The following PLA2G2F variants were observed in gnomAD, a reference collection of about 807,000 sequenced individuals.
PLA2G2F encodes the protein phospholipase A2 group IIF, also known as group IIF secretory phospholipase A2.
A neutral mutation model predicts 15.9 loss-of-function variants in PLA2G2F; 17 were observed. That is an observed-to-expected ratio of 1.07 (90% CI 0.73 to 1.60). The LOEUF is 1.60. Among genes scored for constraint, PLA2G2F ranks in the 40% most tolerant of loss-of-function variants. The probability of loss-of-function intolerance (pLI) is 0.00; values close to 1 mark genes in which losing one functional copy is unlikely to be tolerated. For synonymous variants in PLA2G2F, 119 were observed against 106.5 expected, an observed-to-expected ratio of 1.12 and a Z score of -0.72; for missense variants, 299 against 278.2, an observed-to-expected ratio of 1.07 and a Z score of -0.53.
chr1:20,145,926 G>C (rs951107658), intron 4 of PLA2G2F, among the ~76,000 whole-genome samples: 1 of 152,184 alleles, frequency 6.6e-6, no homozygotes, highest in African/African-American at 2.4e-5. Flanking sequence ...AATTCAACCA[G>C]GAATCCTGTG....
At chr1:20,139,947 G>A (rs1038107130) in intron 1 of PLA2G2F, among the ~76,000 whole-genome samples, 4 of 152,106 alleles carry the variant, frequency 2.6e-5, no homozygotes, top group African/African-American at 9.7e-5. Context: ...GCCAGAGTGG[G>A]GGGCAAGGAG....
chr1:20,139,818 C>T (rs2017424265), intron 1 of PLA2G2F, among the ~76,000 whole-genome samples: 1 of 152,182 alleles, frequency 6.6e-6, no homozygotes, highest in African/African-American at 2.4e-5. Context: ...GGGTTCAAGA[C>T]CCAGCTGCTA....
Position 20,139,347 on chromosome 1 carries a change from C to G in PLA2G2F, c.-81C>G, listed in dbSNP as rs1023681681. ...TGCCAGTGTGCGAGGCAGCGTGAAG[C>G]TGGGGCCTGCTCCCCGCAGCCTCTG... On this transcript the variant is annotated 5_prime_UTR_variant, in exon 1 of 5. Transcript: ENST00000375102. The G allele has an allele frequency of 7.3e-6, 8 of 1,097,140 alleles. No individual in the cohort carries two copies. In the African/African-American group the frequency reaches 1.3e-4, roughly 17 times the overall value. 68.0% of individuals were successfully genotyped at this position (1,097,140 alleles called of 1,614,324 possible).
Position 20,139,513 on chromosome 1 carries a change from T to C in PLA2G2F, c.86T>C (p.Phe29Ser). The stretch of plus-strand genomic sequence containing the variant: ...TTCTCTGGGTGGAGGGGCCCACGCT[T>C]CGGGGCCTCCTGTCCTTCAAGAACC... ...RCFSGWRGPR[F>S]GASCPSRTSR... The change falls in exon 1 of 5, where the codon TTC becomes TCC. Residue 29 changes from phenylalanine (F) to serine (S), a missense_variant. Coordinates refer to ENST00000375102, the MANE Select transcript of PLA2G2F (RefSeq NM_022819.4). 1 of 1,569,840 alleles carries C rather than the reference T, an allele frequency of 6.4e-7. No individual in the cohort carries two copies. Among genetic ancestry groups the C allele is most frequent in the Non-Finnish European group, 8.6e-7 (1 of 1,156,880 alleles).
At chr1:20,140,086 G>T in intron 1 of PLA2G2F, 80 bp from the exon 2 acceptor site, 2 of 1,445,398 alleles carry the variant, frequency 1.4e-6, no homozygotes, top group Non-Finnish European at 1.9e-6. Flanking sequence ...CTGTCCTGAG[G>T]CTCAGGAAGG....
chr1:20,147,478 C>T (rs913320232), intron 4 of PLA2G2F, among the ~76,000 whole-genome samples: 7 of 149,104 alleles, frequency 4.7e-5, no homozygotes, highest in African/African-American at 1.5e-4. Flanking sequence ...GATGAAGTTT[C>T]GCTCTTGTTG....
At position 20,146,527 on chromosome 1, in the gene PLA2G2F, T is replaced by C. The variant is rs563127473; in HGVS notation, c.425-1663T>C. On this transcript the variant is annotated intron_variant, in intron 4 of 4. Coordinates refer to ENST00000375102, the MANE Select transcript of PLA2G2F (RefSeq NM_022819.4). Reference sequence around the variant, plus strand: ...TAGCAGCGCCCAGGTGTCCCTGCCCTGCCCTACTCTGTGCTCCTCTCTGGG... The same window carrying C: ...TAGCAGCGCCCAGGTGTCCCTGCCCCGCCCTACTCTGTGCTCCTCTCTGGG... Among the ~76,000 whole-genome samples the C allele has an allele frequency of 2.4e-3, 369 of 152,320 alleles. 1 individual carries two copies. Among genetic ancestry groups the C allele is most frequent in the African/African-American group, 8.4e-3 (350 of 41,572 alleles).
At chr1:20,145,315 C>G (rs1210392705) in intron 4 of PLA2G2F, among the ~76,000 whole-genome samples, 1 of 148,132 alleles carries the variant, frequency 6.8e-6, no homozygotes, top group African/African-American at 2.5e-5. Flanking sequence ...CGCAGTCTCT[C>G]TCTGTCGCAA....
At chr1:20,146,006 C>T (rs1239420321) in intron 4 of PLA2G2F, among the ~76,000 whole-genome samples, 1 of 152,212 alleles carries the variant, frequency 6.6e-6, no homozygotes, top group Non-Finnish European at 1.5e-5. Flanking sequence ...GAGAACATCT[C>T]CCTGAGGTGC....
Position 20,144,674 on chromosome 1 carries a change from A to C in PLA2G2F, c.409A>C (p.Thr137Pro), listed in dbSNP as rs775977988. 6.2e-7 allele frequency: 1 copy of C among 1,606,616 alleles called. No homozygotes were observed. Residue 137 changes from threonine (T) to proline (P), a missense_variant, in exon 4 of 5, where the codon ACT becomes CCT. Physicochemically the swap from Thr to Pro is conservative, Grantham distance 38 (BLOSUM62 -1). Coordinates refer to ENST00000375102, the MANE Select transcript of PLA2G2F (RefSeq NM_022819.4). ...CTATGATCACACCATCGAGAACAAC[A>C]CTGAGATAGTCTGCAGTGAGTCCCT... Reference protein sequence around the residue: ...DHYDHTIENNTEIVCSDLNKT... With the variant: ...DHYDHTIENNPEIVCSDLNKT...
In PLA2G2F at chr1:20,144,695, T is replaced by A. The variant is rs1326234922; in HGVS notation, c.424+6T>A. The A allele has an allele frequency of 7.6e-6, 12 of 1,587,194 alleles. No homozygotes were observed. Among genetic ancestry groups the A allele is most frequent in the Non-Finnish European group, 1.0e-5 (12 of 1,163,674 alleles). On this transcript the variant is annotated splice_donor_region_variant and intron_variant, in intron 4 of 4. Transcript: ENST00000375102. ...CAACACTGAGATAGTCTGCAGTGAG[T>A]CCCTCCCCTGTCACCTGGGCCCCCA...
At position 20,149,718 on chromosome 1, in the gene PLA2G2F, T is replaced by A. The variant is rs1013982764; in HGVS notation, c.*1317T>A. 1 of 152,612 alleles carries A rather than the reference T, an allele frequency of 6.6e-6. No homozygotes were observed. The highest frequency in any genetic ancestry group is 1.5e-5 in the Non-Finnish European group (1 of 68,408). The allele number at this position is 152,612 out of a possible 1,614,324, so 9.5% of individuals were successfully genotyped here. A position where few individuals can be genotyped will look rare whatever the true frequency, so the allele number is the denominator to read the frequency against. ...GGGCCAGGGCCTTACGGGGCTGGGT[T>A]CCTGTGTGGGGCGTGGAGCTGGGGC... is the stretch of plus-strand genomic sequence containing the variant. On this transcript the variant is annotated 3_prime_UTR_variant, in exon 5 of 5. Transcript: ENST00000375102.
chr1:20,145,284 A>ATTT (rs201526266), intron 4 of PLA2G2F, among the ~76,000 whole-genome samples: 2 of 141,042 alleles, frequency 1.4e-5, no homozygotes, highest in Admixed American at 7.2e-5. Context: ...TAAAACATGT[A>ATTT]TTTTTTTTTT....
chr1:20,143,450 G>A lies in PLA2G2F; in HGVS notation c.174G>A (p.Leu58=). 1 of 1,613,804 alleles carries A rather than the reference G, an allele frequency of 6.2e-7. No homozygotes were observed. Among genetic ancestry groups the A allele is most frequent in the South Asian group, 1.1e-5 (1 of 91,074 alleles). ...CACCCCCTGGTTCTCTTGCAGTTCT[G>A]TCCACAGCTCACGGCAGCCTGCTCA... ...FTVAILAGSV[L]STAHGSLLNL... Residue 58 remains leucine (L), a synonymous_variant, in exon 3 of 5, where the codon CTG becomes CTA. Coordinates refer to ENST00000375102, the MANE Select transcript of PLA2G2F (RefSeq NM_022819.4).
intron 2 of PLA2G2F, chr1:20,140,527 G>A: frequency 5.9e-6 from 2 of 337,406 alleles, no homozygotes; most frequent in East Asian, 5.7e-5. Flanking sequence ...TCAGACTGGA[G>A]TTAATGATTT....
At chr1:20,143,898 A>C in intron 3 of PLA2G2F, 1 of 275,498 alleles carries the variant, frequency 3.6e-6, no homozygotes, top group African/African-American at 2.2e-5. Context: ...ACACCCCACA[A>C]AGGCAAGGGC....
In PLA2G2F at chr1:20,140,091, G is replaced by A. The variant is rs139320224; in HGVS notation, c.117-75G>A. On this transcript the variant is annotated intron_variant, in intron 1 of 4. Coordinates refer to ENST00000375102, the MANE Select transcript of PLA2G2F (RefSeq NM_022819.4). ...TTGATGACACCTGTCCTGAGGCTCA[G>A]GAAGGGAGCAGCAGGTCCAACACTG... The A allele has an allele frequency of 3.0e-3, 4,516 of 1,500,072 alleles. 14 individuals are homozygous for A. The highest frequency in any genetic ancestry group is 3.7e-3 in the Non-Finnish European group (3,995 of 1,086,626). 92.9% of individuals were successfully genotyped at this position (1,500,072 alleles called of 1,614,324 possible).
Position 20,148,435 on chromosome 1 carries a change from G to A in PLA2G2F, c.*34G>A, listed in dbSNP as rs1473485610. 1.3e-6 allele frequency: 2 copies of A among 1,572,568 alleles called. No homozygotes were observed. The highest frequency in any genetic ancestry group is 1.3e-5 in the African/African-American group (1 of 74,140). On this transcript the variant is annotated 3_prime_UTR_variant, in exon 5 of 5. Coordinates refer to ENST00000375102, the MANE Select transcript of PLA2G2F (RefSeq NM_022819.4). ...AGGTTTGAGAGAGAGAGCGGGAGGA[G>A]GGTCTGGCTTGGGGACCAGACGAGG...
Position 20,139,559 on chromosome 1 carries a change from C to G in PLA2G2F, c.116+16C>G, listed in dbSNP as rs1016555945. ...GAACCTCCAGGTAGGTGCCTGTTGCCCTGAGATGGAATCCTCCAGGGAGGG... is the reference window on the plus strand; with the variant it reads ...GAACCTCCAGGTAGGTGCCTGTTGCGCTGAGATGGAATCCTCCAGGGAGGG... On this transcript the variant is annotated intron_variant, in intron 1 of 4. Transcript: ENST00000375102. The G allele has an allele frequency of 4.1e-6, 6 of 1,477,988 alleles. No homozygotes were observed. The African/African-American group carries it at 8.5e-5, about 21-fold the overall frequency. 91.6% of individuals were successfully genotyped at this position (1,477,988 alleles called of 1,614,324 possible).
Sources: gnomAD v4.1 joint callset for allele counts (sites outside exome capture counted in the v4.1 genomes callset) on GRCh38, gnomAD v4.1.1 for gene constraint, MANE v1.5 for transcripts, NCBI Gene and HGNC (gene_info 2026-07-23, HGNC 2026-07-21) for gene names.